Variants in TOGARAM2 observed in about 807,000 individuals in gnomAD.
The protein encoded by TOGARAM2 is TOG array regulator of axonemal microtubules protein 2.
A neutral mutation model predicts 93.3 loss-of-function variants in TOGARAM2; 85 were observed. The observed-to-expected ratio is 0.91, with a 90% CI of 0.76 to 1.09. The LOEUF (loss-of-function observed/expected upper bound fraction) is 1.09, where lower values mean the gene tolerates loss of function less well. Among genes scored for constraint, TOGARAM2 ranks in the 50% least tolerant of loss-of-function variants. The pLI is 0.00. For missense variants in TOGARAM2, 1,277 were observed against 1,334.5 expected (o/e 0.96, Z 0.67); for synonymous variants, 593 against 552.8 (o/e 1.07, Z -1.02).
intron 1 of TOGARAM2, among the ~76,000 whole-genome samples, chr2:28,982,818 C>A (rs567058359): frequency 6.6e-6 from 1 of 152,186 alleles, no homozygotes; most frequent in East Asian, 1.9e-4. Context: ...GTCCATGTAG[C>A]CACCTCCCAG....
chr2:28,975,141 T>C (rs1000763930), intron 1 of TOGARAM2, among the ~76,000 whole-genome samples: 1 of 152,228 alleles, frequency 6.6e-6, no homozygotes, highest in African/African-American at 2.4e-5. Flanking sequence ...CAGTTGTTTT[T>C]CTTTGTGTCT....
chr2:29,017,338 C>G, intron 9 of TOGARAM2, 34 bp downstream of exon 9: 2 of 1,529,700 alleles, frequency 1.3e-6, no homozygotes, highest in Non-Finnish European at 1.8e-6. Context: ...TTGCTCAGGC[C>G]TGGGGAGCTG....
Position 28,965,268 on chromosome 2 carries a change from C to A in TOGARAM2, c.-147+8571C>A, listed in dbSNP as rs2148216725. On this transcript the variant is annotated intron_variant, in intron 1 of 6. Transcript: ENST00000401723. ...GAGTATTTTCATGTAGTTTAGTTAC[C>A]AGTTTGATTGGGATTAAGTGTGCCA... Among the ~76,000 whole-genome samples the A allele has an allele frequency of 2.6e-5, 4 of 152,248 alleles. 1 individual carries two copies. The Middle Eastern group carries it at 0.01, about 391-fold the overall frequency.
Position 29,003,654 on chromosome 2 carries a change from C to T in TOGARAM2, c.802C>T (p.Leu268Phe), listed in dbSNP as rs777382691. 6.3e-7 allele frequency: 1 copy of T among 1,577,794 alleles called. No homozygotes were observed. Among genetic ancestry groups the T allele is most frequent in the South Asian group, 1.2e-5 (1 of 86,156 alleles). ...CCCGTTACCTCCAGGCCAGGGAGTC[C>T]TCACAGGCCTGAGGGCCCCACGCAC... ...PSPLPPGQGV[L>F]TGLRAPRTRL... The change falls in exon 6 of 20, where the codon CTC (leucine) becomes TTC (phenylalanine). Residue 268 changes from leucine (L) to phenylalanine (F), a missense_variant. Physicochemically the swap from Leu to Phe is conservative, Grantham distance 22 (BLOSUM62 0). Transcript: ENST00000379558.
intron 4 of TOGARAM2, among the ~76,000 whole-genome samples, 175 bp downstream of exon 4, chr2:28,999,643 G>A (rs1282571160): frequency 6.6e-6 from 1 of 152,180 alleles, no homozygotes; most frequent in Non-Finnish European, 1.5e-5. Flanking sequence ...CCTTGGAGCT[G>A]AGCCTCCCTC....
chr2:29,049,322 G>A (rs1395266387), intron 19 of TOGARAM2: 1 of 152,160 alleles, frequency 6.6e-6, no homozygotes, highest in Admixed American at 6.5e-5. Flanking sequence ...CCTTTTGAAG[G>A]CTGAAAAACA....
chr2:29,008,753 G>A (rs1399916745), intron 6 of TOGARAM2, among the ~76,000 whole-genome samples: 1 of 152,194 alleles, frequency 6.6e-6, no homozygotes, highest in East Asian at 1.9e-4. Context: ...CACCGCACCT[G>A]GCCAGCCTAT....
chr2:29,007,380 CCTT>C (rs1437663643), intron 6 of TOGARAM2, among the ~76,000 whole-genome samples: 6 of 152,126 alleles, frequency 3.9e-5, no homozygotes, highest in African/African-American at 7.2e-5. Context: ...AAGGTGCAGA[CCTT>C]CTTCTTGGCC....
At chr2:29,015,879 G>C (rs1016867465) in intron 8 of TOGARAM2, among the ~76,000 whole-genome samples, 1 of 151,992 alleles carries the variant, frequency 6.6e-6, no homozygotes, top group African/African-American at 2.4e-5. Context: ...CCAGCGCTCA[G>C]CCCTCTGGCC....
At chr2:29,031,354 C>G (rs144546139) in intron 14 of TOGARAM2, among the ~76,000 whole-genome samples, 1,564 of 152,326 alleles carry the variant, frequency 0.01, 16 homozygotes, top group South Asian at 0.018. Flanking sequence ...GTTATACTAT[C>G]TGCACCTTCA....
At chr2:29,014,011 AG>A (rs1664405095) in intron 7 of TOGARAM2, among the ~76,000 whole-genome samples, 1 of 152,154 alleles carries the variant, frequency 6.6e-6, no homozygotes, top group Non-Finnish European at 1.5e-5. Flanking sequence ...GTCATATGAA[AG>A]GATTGGTGGG....
At chr2:29,019,367 A>C (rs535242510) in intron 10 of TOGARAM2, among the ~76,000 whole-genome samples, 39 of 152,062 alleles carry the variant, frequency 2.6e-4, no homozygotes, top group African/African-American at 9.2e-4. Context: ...ATGGGGTTTC[A>C]CCATATTGGC....
At chr2:28,986,004 T>C (rs762459401) in intron 1 of TOGARAM2, among the ~76,000 whole-genome samples, 4 of 151,312 alleles carry the variant, frequency 2.6e-5, no homozygotes, top group Non-Finnish European at 5.9e-5. Context: ...TCCCAGCTAC[T>C]TGCAAGGCTG....
chr2:29,012,462 G>A (rs1375689013), intron 7 of TOGARAM2, among the ~76,000 whole-genome samples: 1 of 152,184 alleles, frequency 6.6e-6, no homozygotes, highest in Non-Finnish European at 1.5e-5. Flanking sequence ...CAGGCAGTCT[G>A]TGGCGAAATG....
chr2:28,999,110 A>C, intron 3 of TOGARAM2, 71 bp from the exon 4 acceptor site: 9 of 1,475,136 alleles, frequency 6.1e-6, no homozygotes, highest in Non-Finnish European at 7.3e-6. Flanking sequence ...AGCAATGTCA[A>C]GGAGCTTGCT....
At chr2:29,021,191 G>A (rs2148343750) in intron 10 of TOGARAM2, among the ~76,000 whole-genome samples, 1 of 152,364 alleles carries the variant, frequency 6.6e-6, no homozygotes, top group Non-Finnish European at 1.5e-5. Flanking sequence ...TGGGATTACA[G>A]ATGTGAGCCA....
Position 29,023,103 on chromosome 2 carries a change from G to A in TOGARAM2, c.1529G>A (p.Gly510Asp), listed in dbSNP as rs1292901613. 1 of 1,597,092 alleles carries A rather than the reference G, an allele frequency of 6.3e-7. No homozygotes were observed. The highest frequency in any genetic ancestry group is 1.7e-4 in the Middle Eastern group (1 of 6,038). The change falls in exon 12 of 20, where the codon GGT becomes GAT. Residue 510 changes from glycine to aspartate, a missense_variant. Gly to Asp is a moderately conservative substitution (Grantham distance 94). Transcript: ENST00000379558. ...NSSDWQMKEK[G>D]LVSIQRLAAC... ...CTTCTCAGGCAGATGAAGGAGAAGG[G>A]TCTGGTGAGCATCCAGCGCTTGGCA... is the stretch of plus-strand genomic sequence containing the variant.
At chr2:28,996,041 A>G (rs1477327993) in intron 2 of TOGARAM2, among the ~76,000 whole-genome samples, 1 of 152,218 alleles carries the variant, frequency 6.6e-6, no homozygotes, top group Non-Finnish European at 1.5e-5. Flanking sequence ...AGGCATGGGG[A>G]AGAGAGAGTA....
chr2:28,996,887 C>CT (rs1673019119), intron 2 of TOGARAM2, among the ~76,000 whole-genome samples: 1 of 138,202 alleles, frequency 7.2e-6, no homozygotes, highest in Non-Finnish European at 1.6e-5. Flanking sequence ...TTTTTTTATT[C>CT]TTTTTTATGG....
Sources: gnomAD v4.1 joint callset for allele counts (sites outside exome capture counted in the v4.1 genomes callset) on GRCh38, gnomAD v4.1.1 for gene constraint, MANE v1.5 for transcripts, NCBI Gene and HGNC (gene_info 2026-07-23, HGNC 2026-07-21) for gene names.